The following PHIP variants were observed in gnomAD, a reference collection of about 807,000 sequenced individuals.
PHIP encodes the protein PH-interacting protein.
In PHIP, 54 loss-of-function variants were observed where a neutral mutation model predicts 236.8. The observed-to-expected ratio is 0.23, with a 90% CI of 0.18 to 0.29. The LOEUF (loss-of-function observed/expected upper bound fraction) is 0.29. Among genes scored for constraint, PHIP ranks in the 10% least tolerant of loss-of-function variants. The probability of loss-of-function intolerance (pLI) is 1.00; values close to 1 mark genes in which losing one functional copy is unlikely to be tolerated. For missense variants in PHIP, 1,370 were observed against 2,190.8 expected (o/e 0.63, Z 7.48); for synonymous variants, 756 against 718.9 (o/e 1.05, Z -0.83).
chr6:79,057,925 T>C (rs1562215319), intron 6 of PHIP, among the ~76,000 whole-genome samples: 5 of 152,128 alleles, frequency 3.3e-5, no homozygotes. Context: ...ATATATACCA[T>C]GGTGAACTCT....
In PHIP at chr6:78,965,957, C is replaced by G; in HGVS notation, c.3305G>C (p.Cys1102Ser). ...QLEYPDSLFQ[C>S]YNVCWDNGDT... The stretch of plus-strand genomic sequence containing the variant: ...AATATTTCCTTACCAAACATTGTAG[C>G]ATTGAAACAGACTATCAGGGTACTC... Residue 1102 changes from cysteine to serine, a missense_variant, in exon 28 of 40, where the codon TGC becomes TCC. Cys to Ser is a moderately radical substitution (Grantham distance 112). Around this residue, in one of 14 missense-constraint regions of PHIP, gnomAD observed 238 missense variants for 398.5 expected, o/e 0.60. Transcript: ENST00000275034. 6.2e-7 allele frequency: 1 copy of G among 1,601,040 alleles called. No individual in the cohort carries two copies. Among genetic ancestry groups the G allele is most frequent in the Non-Finnish European group, 8.6e-7 (1 of 1,168,006 alleles).
rs113760806 is a variant in PHIP, at chr6:79,024,806, A to AAAATAAAT, written c.923+705_923+712dup. Among the ~76,000 whole-genome samples the AAAATAAAT allele has an allele frequency of 2.9e-4, 44 of 152,144 alleles. 1 individual carries two copies. In the South Asian group the frequency reaches 7.0e-3, roughly 24 times the overall value. ...GGCGACACAGTGAGACTCCGTCTCA[A>AAAATAAAT]AAATAAATAAATAAATAAATAAATA... is the stretch of plus-strand genomic sequence containing the variant. On this transcript the variant is annotated intron_variant, in intron 9 of 39. Coordinates refer to ENST00000275034, the MANE Select transcript of PHIP (RefSeq NM_017934.7).
At chr6:78,965,880 A>G in intron 28 of PHIP, 65 bp downstream of exon 28, 1 of 1,270,038 alleles carries the variant, frequency 7.9e-7, no homozygotes, top group South Asian at 1.2e-5. Flanking sequence ...TTTATCTCTT[A>G]ATAGATGGAA....
Position 79,003,152 on chromosome 6 carries a change from T to A in PHIP, c.1653+578A>T, listed in dbSNP as rs116754423. Among the ~76,000 whole-genome samples, 588 of 152,198 alleles carry A rather than the reference T, an allele frequency of 3.9e-3. 6 individuals are homozygous for A. In the Middle Eastern group the frequency reaches 0.041, roughly 11 times the overall value. ...CAGGGCATATGCCTGTAGTGCCACCTGCAGTTATTTAGCAGGCTGAAATGA... is the reference window on the plus strand; with the variant it reads ...CAGGGCATATGCCTGTAGTGCCACCAGCAGTTATTTAGCAGGCTGAAATGA... On this transcript the variant is annotated intron_variant, in intron 16 of 39. Transcript: ENST00000275034.
At chr6:78,972,461 A>G in intron 24 of PHIP, among the ~76,000 whole-genome samples, 1 of 152,158 alleles carries the variant, frequency 6.6e-6, no homozygotes, top group East Asian at 1.9e-4. Context: ...AACTCTAAAA[A>G]TCAGAGCACC....
Position 78,966,068 on chromosome 6 carries a change from CA to C in PHIP, c.3206-13del. On this transcript the variant is annotated splice_polypyrimidine_tract_variant and intron_variant, in intron 27 of 39. Coordinates refer to ENST00000275034, the MANE Select transcript of PHIP (RefSeq NM_017934.7). ...CCTGAAGCGGTCACCTGGCCAAGAA[CA>C]AAAACTAACTCATCATTCTGAAATG... 1 of 1,492,440 alleles carries C rather than the reference CA, an allele frequency of 6.7e-7. No homozygotes were observed. Among genetic ancestry groups the C allele is most frequent in the Non-Finnish European group, 9.4e-7 (1 of 1,069,470 alleles). 92.4% of individuals were successfully genotyped at this position (1,492,440 alleles called of 1,614,324 possible). A position where few individuals can be genotyped will look rare whatever the true frequency, so the allele number is the denominator to read the frequency against.
intron 27 of PHIP, among the ~76,000 whole-genome samples, chr6:78,967,666 A>G (rs984199505): frequency 5.9e-5 from 9 of 152,200 alleles, no homozygotes; most frequent in African/African-American, 2.2e-4. Context: ...ATTAGAATAA[A>G]ATTGTAAGAT....
chr6:79,029,365 G>C (rs1373222922), intron 7 of PHIP, among the ~76,000 whole-genome samples: 2 of 152,076 alleles, frequency 1.3e-5, no homozygotes, highest in Admixed American at 1.3e-4. Flanking sequence ...ATGGAAATTT[G>C]AAACAAAAGA....
intron 6 of PHIP, among the ~76,000 whole-genome samples, chr6:79,048,068 A>T (rs930311635): frequency 6.6e-6 from 1 of 151,780 alleles, no homozygotes; most frequent in African/African-American, 2.4e-5. Context: ...CAATACCAAA[A>T]TTTTAATCTT....
intron 7 of PHIP, among the ~76,000 whole-genome samples, chr6:79,037,983 C>T (rs181380223): frequency 1.4e-3 from 207 of 152,272 alleles, no homozygotes; most frequent in African/African-American, 4.6e-3. Context: ...CAAAGTTAAG[C>T]GGCAGTACTC....
intron 6 of PHIP, among the ~76,000 whole-genome samples, chr6:79,048,766 T>C (rs755511281): frequency 3.3e-5 from 5 of 152,184 alleles, no homozygotes; most frequent in Non-Finnish European, 5.9e-5. Context: ...TAATCAGAAA[T>C]GGAGGACCAC....
chr6:79,054,645 G>A (rs1040515340), intron 6 of PHIP, among the ~76,000 whole-genome samples: 3 of 150,628 alleles, frequency 2.0e-5, no homozygotes, highest in African/African-American at 7.3e-5. Flanking sequence ...TTAAAATTAT[G>A]TAATCTCATA....
At chr6:78,995,431 AG>A (rs896830659) in intron 19 of PHIP, among the ~76,000 whole-genome samples, 1 of 152,236 alleles carries the variant, frequency 6.6e-6, no homozygotes, top group African/African-American at 2.4e-5. Context: ...TTAGGATTTT[AG>A]GAAAGTGCAA....
chr6:79,063,650 C>A (rs1340801932), intron 4 of PHIP, among the ~76,000 whole-genome samples: 1 of 152,156 alleles, frequency 6.6e-6, no homozygotes, highest in African/African-American at 2.4e-5. Flanking sequence ...CTTCTGACCT[C>A]AAGTAATTCG....
intron 17 of PHIP, 75 bp downstream of exon 17, chr6:79,001,824 G>T: frequency 2.2e-6 from 2 of 925,600 alleles, no homozygotes; most frequent in Non-Finnish European, 3.5e-6. Flanking sequence ...TGCAAACAAA[G>T]TTTTACTCAA....
intron 31 of PHIP, among the ~76,000 whole-genome samples, chr6:78,959,456 A>G (rs1766625567): frequency 6.6e-6 from 1 of 152,142 alleles, no homozygotes; most frequent in African/African-American, 2.4e-5. Flanking sequence ...AAAATAAAGT[A>G]TTAGATTAAT....
At chr6:78,990,451 A>G (rs1166748324) in intron 20 of PHIP, among the ~76,000 whole-genome samples, 4 of 152,186 alleles carry the variant, frequency 2.6e-5, no homozygotes, top group Non-Finnish European at 5.9e-5. Flanking sequence ...GAAGAAAATG[A>G]GAAATATTAT....
intron 35 of PHIP, among the ~76,000 whole-genome samples, 185 bp from the exon 36 acceptor site, chr6:78,947,960 T>C (rs1334336488): frequency 6.8e-6 from 1 of 146,010 alleles, no homozygotes; most frequent in Non-Finnish European, 1.5e-5. Context: ...CTCCCCCCCC[T>C]TATACTGCAA....
At chr6:78,955,007 A>G (rs763476398) in intron 34 of PHIP, 44 bp from the exon 35 acceptor site, 1 of 1,392,100 alleles carries the variant, frequency 7.2e-7, no homozygotes, top group East Asian at 2.4e-5. Flanking sequence ...GAGCACTTAC[A>G]CAATAAAATT....
Sources: gnomAD v4.1 joint callset for allele counts (sites outside exome capture counted in the v4.1 genomes callset) on GRCh38, gnomAD v4.1.1 for gene constraint, gnomAD v4.1.1 regional missense constraint, MANE v1.5 for transcripts, NCBI Gene and HGNC (gene_info 2026-07-23, HGNC 2026-07-21) for gene names.